HS1BP3: variants seen among roughly 807,000 people sequenced by gnomAD.
HS1BP3 encodes HCLS1-binding protein 3.
In HS1BP3, 32 loss-of-function variants were observed where a neutral mutation model predicts 33.5. The observed-to-expected ratio is 0.95, with a 90% confidence interval of 0.72 to 1.28. The LOEUF (loss-of-function observed/expected upper bound fraction) is 1.28, where lower values mean the gene tolerates loss of function less well. HS1BP3 is among the 50% of genes most tolerant of loss of function. The pLI, the probability that HS1BP3 is intolerant of heterozygous loss-of-function variation, is 0.00. For synonymous variants in HS1BP3, 187 were observed against 209.2 expected (o/e 0.89, Z 0.92); for missense variants, 486 against 502.3 (o/e 0.97, Z 0.31).
Position 20,624,753 on chromosome 2 carries a change from C to T in HS1BP3, c.763G>A (p.Glu255Lys). The T allele has an allele frequency of 6.2e-7, 1 of 1,606,656 alleles. No individual in the cohort carries two copies. Among genetic ancestry groups the T allele is most frequent in the Non-Finnish European group, 8.5e-7 (1 of 1,175,542 alleles). The change falls in exon 5 of 7, where the codon GAG (glutamate) becomes AAG (lysine). Residue 255 changes from glutamate to lysine, a missense_variant. Physicochemically the swap from Glu to Lys is moderately conservative, Grantham distance 56. Coordinates refer to ENST00000304031, the MANE Select transcript of HS1BP3 (RefSeq NM_022460.4). ...GRKLSPQDPSEDVSSVDPLKL... is the reference protein window; with the variant it reads ...GRKLSPQDPSKDVSSVDPLKL... ...TTACGGTCCACGGATGACACGTCCT[C>T]CGAGGGGTCCTGTGGAGACAGCTTC... is the stretch of plus-strand genomic sequence containing the variant.
intron 2 of HS1BP3, among the ~76,000 whole-genome samples, chr2:20,605,748 T>C (rs1159920804): frequency 6.6e-6 from 1 of 152,274 alleles, no homozygotes; most frequent in Non-Finnish European, 1.5e-5. Flanking sequence ...CATGTCCTAG[T>C]GTGTGTCAGC....
At chr2:20,558,575 C>T (rs1049355729), downstream of HS1BP3, among the ~76,000 whole-genome samples, 5 of 152,306 alleles carry the variant, frequency 3.3e-5, no homozygotes, top group East Asian at 9.7e-4. Context: ...ATGTGTCAGG[C>T]ACTGCGCTGG....
intron 5 of HS1BP3, among the ~76,000 whole-genome samples, chr2:20,562,012 A>G (rs1693009433): frequency 1.3e-5 from 2 of 152,168 alleles, no homozygotes; most frequent in Non-Finnish European, 2.9e-5. Context: ...GCCTCCATAA[A>G]AACCCCAAAG....
intron 6 of HS1BP3, among the ~76,000 whole-genome samples, chr2:20,619,784 G>A (rs996864204): frequency 2.6e-5 from 4 of 152,222 alleles, no homozygotes; most frequent in Admixed American, 6.5e-5. Context: ...ACAGGACATC[G>A]GCCCTTAGAA....
At position 20,623,741 on chromosome 2, in the gene HS1BP3, C is replaced by G. The variant is rs532565917; in HGVS notation, c.920+155G>C. ...TCCCCCTCAGCCCCCTTCACCGCCT[C>G]TCACCCAATGTGCACCCACAGGCTT... On this transcript the variant is annotated intron_variant, in intron 6 of 6. Transcript: ENST00000304031. The G allele has an allele frequency of 2.6e-5, 21 of 820,788 alleles. No individual in the cohort carries two copies. In the East Asian group the frequency reaches 6.4e-4, roughly 25 times the overall value. The allele number at this position is 820,788 out of a possible 1,614,324, so 50.8% of individuals were successfully genotyped here.
At chr2:20,606,307 A>G (rs1445878227) in intron 2 of HS1BP3, 1 of 458,960 alleles carries the variant, frequency 2.2e-6, no homozygotes. Context: ...CAGCTGGTGC[A>G]TCTCCACCCT....
At chr2:20,593,111 T>C (rs1375197951) in intron 3 of HS1BP3, among the ~76,000 whole-genome samples, 1 of 137,926 alleles carries the variant, frequency 7.3e-6, no homozygotes, top group Non-Finnish European at 1.5e-5. Flanking sequence ...CAGCACACCA[T>C]GTTCCTGCTT....
At chr2:20,558,602 T>G (rs1392360504), downstream of HS1BP3, among the ~76,000 whole-genome samples, 1 of 152,116 alleles carries the variant, frequency 6.6e-6, no homozygotes, top group Non-Finnish European at 1.5e-5. Flanking sequence ...GAGGGTGGGA[T>G]GGAGAACTGT....
the HS1BP3 span, among the ~76,000 whole-genome samples, chr2:20,554,775 A>T: frequency 6.6e-6 from 1 of 151,520 alleles, no homozygotes; most frequent in African/African-American, 2.4e-5. Flanking sequence ...TGAAGTGATG[A>T]ACTGAGAAGG....
At chr2:20,575,527 A>G (rs1336748141) in intron 5 of HS1BP3, among the ~76,000 whole-genome samples, 1 of 152,210 alleles carries the variant, frequency 6.6e-6, no homozygotes, top group African/African-American at 2.4e-5. Context: ...CTCTGCCCAC[A>G]TATTTTAGAC....
chr2:20,564,724 T>A (rs1167015470), intron 5 of HS1BP3, among the ~76,000 whole-genome samples: 1 of 152,158 alleles, frequency 6.6e-6, no homozygotes, highest in Non-Finnish European at 1.5e-5. Context: ...TCTCAGGTAA[T>A]CTGCCCGCCT....
At chr2:20,564,894 T>C (rs556425003) in intron 5 of HS1BP3, among the ~76,000 whole-genome samples, 106 of 152,286 alleles carry the variant, frequency 7.0e-4, no homozygotes, top group African/African-American at 2.4e-3. Context: ...AGGCAGAACT[T>C]CCACCACCAG....
chr2:20,577,239 G>A (rs1173555983), intron 5 of HS1BP3, among the ~76,000 whole-genome samples: 1 of 152,094 alleles, frequency 6.6e-6, no homozygotes, highest in Admixed American at 6.5e-5. Flanking sequence ...TATCGGGGAG[G>A]GCCTGGGAGC....
chr2:20,575,227 C>G (rs561862996), intron 5 of HS1BP3, among the ~76,000 whole-genome samples: 70 of 152,356 alleles, frequency 4.6e-4, no homozygotes, highest in African/African-American at 1.5e-3. Context: ...GAAGCATTTG[C>G]TGAGCTCTAG....
At chr2:20,568,085 A>G (rs1320500506) in intron 5 of HS1BP3, among the ~76,000 whole-genome samples, 1 of 152,158 alleles carries the variant, frequency 6.6e-6, no homozygotes, top group Non-Finnish European at 1.5e-5. Context: ...CTGTCCTAGA[A>G]GCTAAGGGCC....
chr2:20,604,893 G>A (rs1014024874), intron 2 of HS1BP3, among the ~76,000 whole-genome samples: 4 of 152,074 alleles, frequency 2.6e-5, no homozygotes, highest in Non-Finnish European at 4.4e-5. Context: ...TCCCCACTCC[G>A]ACTCATTTCT....
chr2:20,642,167 C>T (rs1180131500), intron 2 of HS1BP3, among the ~76,000 whole-genome samples: 1 of 152,258 alleles, frequency 6.6e-6, no homozygotes, highest in African/African-American at 2.4e-5. Context: ...GGGTCACTCA[C>T]TCTTATGCTC....
At chr2:20,598,521 G>A (rs1271480095) in intron 2 of HS1BP3, among the ~76,000 whole-genome samples, 3 of 149,482 alleles carry the variant, frequency 2.0e-5, no homozygotes, top group African/African-American at 7.5e-5. Flanking sequence ...GTTCCTAACA[G>A]GCCAGGGACC....
rs1694069460 is a variant in HS1BP3, at chr2:20,601,570, G to A, written c.179-3305C>T. Among the ~76,000 whole-genome samples, 3 of 151,980 alleles carry A rather than the reference G, an allele frequency of 2.0e-5. No individual in the cohort carries two copies. The South Asian group carries it at 6.2e-4, about 32-fold the overall frequency. ...CGGGTCTTTCCTGTGCTGTTCTCGT[G>A]GTTGTAAGTTTCACGAGACCTGATG... On this transcript the variant is annotated intron_variant, in intron 2 of 3. Transcript: ENST00000415264.
Sources: allele counts gnomAD v4.1 joint callset (sites outside exome capture counted in the v4.1 genomes callset), GRCh38; gene constraint gnomAD v4.1.1; transcripts MANE v1.5; gene names NCBI Gene and HGNC (gene_info 2026-07-23, HGNC 2026-07-21).